The following NR2F1-AS1 variants were observed in gnomAD, a reference collection of about 807,000 sequenced individuals.
NR2F1-AS1 encodes NR2F1 regulatory antisense RNA 1, also known as NR2F1 antisense RNA 1.
At chr5:93,513,427 T>C (rs1282267081) in intron 4 of NR2F1-AS1, among the ~76,000 whole-genome samples, 2 of 152,044 alleles carry the variant, frequency 1.3e-5, no homozygotes, top group African/African-American at 2.4e-5. Context: ...TACCTACCAA[T>C]AGTGAATTGG....
At position 93,536,679 on chromosome 5, in the gene NR2F1-AS1, T is replaced by G. The variant is rs62369943; in HGVS notation, n.638+17082A>C. Among the ~76,000 whole-genome samples, 848 of 152,166 alleles carry G rather than the reference T, an allele frequency of 5.6e-3. 9 individuals carry two copies. The highest frequency in any genetic ancestry group is 6.9e-3 in the Non-Finnish European group (471 of 67,990). ...TCAACAAAGGCACAAAGAATAAACA[T>G]TACAAAAAAGACAATGTCTTCAATA... On this transcript the variant is annotated intron_variant and non_coding_transcript_variant, in intron 4 of 5. Coordinates refer to ENST00000660523, the Ensembl canonical transcript of NR2F1-AS1.
intron 2 of NR2F1-AS1, chr5:93,555,114 C>T (rs569636743): frequency 1.3e-5 from 2 of 152,112 alleles, no homozygotes; most frequent in African/African-American, 2.4e-5. Flanking sequence ...ATTATCATCC[C>T]CCACCAACTC....
chr5:93,486,121 G>A (rs1253562706), intron 4 of NR2F1-AS1, among the ~76,000 whole-genome samples: 1 of 114,528 alleles, frequency 8.7e-6, no homozygotes, highest in African/African-American at 3.3e-5. Context: ...TGTGGGGTGG[G>A]GGGAGGGGGG....
At chr5:93,585,505 C>T, upstream of NR2F1-AS1, 1 of 1,587,424 alleles carries the variant, frequency 6.3e-7, no homozygotes, top group Non-Finnish European at 8.6e-7. Context: ...TTCTTCTCTG[C>T]TTCTCTCCCC....
intron 4 of NR2F1-AS1, among the ~76,000 whole-genome samples, chr5:93,523,066 C>T (rs1207793853): frequency 2.6e-5 from 4 of 152,112 alleles, no homozygotes; most frequent in Non-Finnish European, 5.9e-5. Flanking sequence ...GATCCCACTC[C>T]CATGGAGCCC....
intron 4 of NR2F1-AS1, among the ~76,000 whole-genome samples, chr5:93,435,937 C>T (rs1428868296): frequency 6.6e-6 from 1 of 152,180 alleles, no homozygotes; most frequent in East Asian, 1.9e-4. Context: ...GTCATGAAAA[C>T]AAAGTAGATG....
At chr5:93,585,293 G>C (rs1349953924), upstream of NR2F1-AS1, 1 of 1,607,468 alleles carries the variant, frequency 6.2e-7, no homozygotes, top group Non-Finnish European at 8.5e-7. Flanking sequence ...TGGTGTGCGG[G>C]GACAAGTCGA....
chr5:93,486,169 C>T (rs1318672035), intron 4 of NR2F1-AS1, among the ~76,000 whole-genome samples: 57 of 138,520 alleles, frequency 4.1e-4, no homozygotes, highest in Admixed American at 1.5e-3. Flanking sequence ...TGCTAGATGA[C>T]GAGTTAGTGG....
intron 4 of NR2F1-AS1, among the ~76,000 whole-genome samples, chr5:93,520,819 C>A (rs1308467135): frequency 6.6e-6 from 1 of 152,092 alleles, no homozygotes; most frequent in East Asian, 1.9e-4. Flanking sequence ...ATATTGCAAG[C>A]CTCCCCCCAA....
chr5:93,582,470 G>T (rs1011781712), upstream of NR2F1-AS1, among the ~76,000 whole-genome samples: 1 of 152,032 alleles, frequency 6.6e-6, no homozygotes, highest in Non-Finnish European at 1.5e-5. Context: ...ATCCTACCCT[G>T]TTTCTACTTG....
At chr5:93,479,480 C>T (rs1750555563) in intron 4 of NR2F1-AS1, among the ~76,000 whole-genome samples, 1 of 152,168 alleles carries the variant, frequency 6.6e-6, no homozygotes, top group South Asian at 2.1e-4. Flanking sequence ...TTTTTCAAAA[C>T]AATTTGGAAA....
intron 4 of NR2F1-AS1, among the ~76,000 whole-genome samples, chr5:93,518,298 C>T (rs1751436974): frequency 6.6e-6 from 1 of 152,050 alleles, no homozygotes; most frequent in Non-Finnish European, 1.5e-5. Flanking sequence ...AGTAGAATGA[C>T]CAATGAACTG....
intron 4 of NR2F1-AS1, among the ~76,000 whole-genome samples, chr5:93,472,869 A>G (rs894478427): frequency 3.9e-5 from 6 of 151,928 alleles, no homozygotes; most frequent in Non-Finnish European, 1.5e-5. Context: ...CCTATTTTGG[A>G]TATTTGAAAT....
chr5:93,500,481 G>C (rs1751056603), intron 4 of NR2F1-AS1, among the ~76,000 whole-genome samples: 1 of 151,716 alleles, frequency 6.6e-6, no homozygotes, highest in Non-Finnish European at 1.5e-5. Context: ...AAAAAAAAAA[G>C]ATTCCTCTCA....
chr5:93,462,232 T>C (rs1290173953), intron 4 of NR2F1-AS1, among the ~76,000 whole-genome samples: 1 of 152,134 alleles, frequency 6.6e-6, no homozygotes, highest in Non-Finnish European at 1.5e-5. Context: ...GATTGAGTTA[T>C]GGGGGCAGGT....
chr5:93,430,685 T>A (rs1749292684), intron 4 of NR2F1-AS1, among the ~76,000 whole-genome samples: 1 of 152,202 alleles, frequency 6.6e-6, no homozygotes, highest in Admixed American at 6.5e-5. Flanking sequence ...TGTTCTCATG[T>A]TGCAGAAATG....
intron 1 of NR2F1-AS1, among the ~76,000 whole-genome samples, chr5:93,563,912 C>T (rs1163034406): frequency 6.6e-6 from 1 of 151,726 alleles, no homozygotes; most frequent in Non-Finnish European, 1.5e-5. Flanking sequence ...ACCAGCCTGG[C>T]TAAGACGGTG....
intron 2 of NR2F1-AS1, among the ~76,000 whole-genome samples, chr5:93,556,040 G>A (rs577023092): frequency 2.1e-4 from 32 of 152,140 alleles, no homozygotes; most frequent in South Asian, 4.2e-4. Context: ...ATATAACTGA[G>A]CCCAAAGCCT....
At chr5:93,509,480 T>C (rs1202976375) in intron 4 of NR2F1-AS1, among the ~76,000 whole-genome samples, 2 of 152,084 alleles carry the variant, frequency 1.3e-5, no homozygotes, top group African/African-American at 4.8e-5. Flanking sequence ...AGAGCAGGTA[T>C]ATAAATTTAT....
Sources: gnomAD v4.1 joint callset for allele counts (sites outside exome capture counted in the v4.1 genomes callset) on GRCh38, gnomAD v4.1.1 for gene constraint, MANE v1.5 for transcripts, NCBI Gene and HGNC (gene_info 2026-07-23, HGNC 2026-07-21) for gene names.